GABBR1: variants seen among roughly 807,000 people sequenced by gnomAD.
The protein encoded by GABBR1 is gamma-aminobutyric acid type B receptor subunit 1.
A neutral mutation model predicts 117.7 loss-of-function variants in GABBR1; 35 were observed. The observed-to-expected ratio is 0.30, with a 90% CI of 0.23 to 0.39. The LOEUF (loss-of-function observed/expected upper bound fraction) is 0.39. Among genes scored for constraint, GABBR1 ranks in the 10% least tolerant of loss-of-function variants. The pLI is 1.00. For synonymous variants in GABBR1, 442 were observed against 486.6 expected, an observed-to-expected ratio of 0.91 and a Z score of 1.21; for missense variants, 709 against 1,241.8, an observed-to-expected ratio of 0.57 and a Z score of 6.45.
In GABBR1 at chr6:29,623,580, T is replaced by TA; in HGVS notation, c.793-106dup. 8.5e-7 allele frequency: 1 copy of TA among 1,181,750 alleles called. No individual in the cohort carries two copies. Among genetic ancestry groups the TA allele is most frequent in the Non-Finnish European group, 1.2e-6 (1 of 838,484 alleles). The allele number at this position is 1,181,750 out of a possible 1,614,324, so 73.2% of individuals were successfully genotyped here. A position where few individuals can be genotyped will look rare whatever the true frequency, so the allele number is the denominator to read the frequency against. On this transcript the variant is annotated intron_variant, in intron 7 of 22. Coordinates refer to ENST00000377034, the MANE Select transcript of GABBR1 (RefSeq NM_001470.4). This position sits in a 1 kb window ranked among gnomAD's most constrained non-coding sequence, Gnocchi z 6.2. ...TTCCTGCCTTTGGGTTTCTCTTCCT[T>TA]ACTCTCTCCAAACCTCCCCACCTCT...
At position 29,607,932 on chromosome 6, in the gene GABBR1, T is replaced by C. The variant is rs1306740029; in HGVS notation, c.1992+669A>G. Among the ~76,000 whole-genome samples the C allele has an allele frequency of 6.6e-6, 1 of 152,220 alleles. No individual in the cohort carries two copies. The highest frequency in any genetic ancestry group is 1.5e-5 in the Non-Finnish European group (1 of 68,036). ...CTCACTGGGAACAGAGGATTCCTGATGAACTGCATGTGCATGTGCATGGAA... is the reference window on the plus strand; with the variant it reads ...CTCACTGGGAACAGAGGATTCCTGACGAACTGCATGTGCATGTGCATGGAA... On this transcript the variant is annotated intron_variant, in intron 16 of 22. Transcript: ENST00000377034. The surrounding 1 kb of genome is among the most constrained non-coding windows in gnomAD (Gnocchi z 5.0).
chr6:29,623,329 C>T lies in GABBR1; in HGVS notation c.939G>A (p.Gln313=), dbSNP rs745528284. Residue 313 remains glutamine (Q), a synonymous_variant, in exon 8 of 23, where the codon CAG becomes CAA. Coordinates refer to ENST00000377034, the MANE Select transcript of GABBR1 (RefSeq NM_001470.4). The surrounding 1 kb of genome is among the most constrained non-coding windows in gnomAD (Gnocchi z 6.2). ...CCGAAGTGAAGACCTCAGTGGTCTG[C>T]TGGATGGTAGCAATCTTCTTCCAGC... ...KWGWKKIATI[Q]QTTEVFTSTL... 1 of 1,614,008 alleles carries T rather than the reference C, an allele frequency of 6.2e-7. No individual in the cohort carries two copies. The highest frequency in any genetic ancestry group is 8.5e-7 in the Non-Finnish European group (1 of 1,179,998).
chr6:29,605,848 G>A lies in GABBR1; in HGVS notation c.2312-152C>T. On this transcript the variant is annotated intron_variant, in intron 19 of 22. Transcript: ENST00000377034. The surrounding 1 kb of genome is among the most constrained non-coding windows in gnomAD (Gnocchi z 4.2). Reference sequence around the variant, plus strand: ...TCTGACCTAGCAAACCTCACCCTGTGTCCCCTATCCCTTATGTCCACCCAA... The same window carrying A: ...TCTGACCTAGCAAACCTCACCCTGTATCCCCTATCCCTTATGTCCACCCAA... 1 of 859,462 alleles carries A rather than the reference G, an allele frequency of 1.2e-6. No individual in the cohort carries two copies. Among genetic ancestry groups the A allele is most frequent in the East Asian group, 2.7e-5 (1 of 37,670 alleles). 53.2% of individuals were successfully genotyped at this position (859,462 alleles called of 1,614,324 possible).
rs758135303 is a variant in GABBR1 at position 29,613,308 on chromosome 6, T to G, written c.1501A>C (p.Asn501His). 4 of 1,612,932 alleles carry G rather than the reference T, an allele frequency of 2.5e-6. No individual in the cohort carries two copies. Among genetic ancestry groups the G allele is most frequent in the Non-Finnish European group, 3.4e-6 (4 of 1,180,020 alleles). The stretch of plus-strand genomic sequence containing the variant: ...ATTTGGTCGGTAATGGTCTGGTTGT[T>G]GTAGTTGAAGTCCTCCAGGCGCACA... ...SGVRLEDFNY[N>H]NQTITDQIYR... Residue 501 changes from asparagine (N) to histidine (H), a missense_variant, in exon 12 of 23, where the codon AAC (asparagine) becomes CAC (histidine). By Grantham distance (68) the Asn-to-His change is moderately conservative. Coordinates refer to ENST00000377034, the MANE Select transcript of GABBR1 (RefSeq NM_001470.4). The surrounding 1 kb of genome is among the most constrained non-coding windows in gnomAD (Gnocchi z 4.1).
At position 29,630,406 on chromosome 6, in the gene GABBR1, A is replaced by C; in HGVS notation, c.475+52T>G. 1 of 1,502,836 alleles carries C rather than the reference A, an allele frequency of 6.7e-7. No homozygotes were observed. 93.1% of individuals were successfully genotyped at this position (1,502,836 alleles called of 1,614,324 possible). A position where few individuals can be genotyped will look rare whatever the true frequency, so the allele number is the denominator to read the frequency against. ...CATTATCCATTCCCACCCCACTCCC[A>C]TCCTCACACAAGCGTCCTCATCAGC... On this transcript the variant is annotated intron_variant, in intron 4 of 22. Coordinates refer to ENST00000377034, the MANE Select transcript of GABBR1 (RefSeq NM_001470.4). The surrounding 1 kb of genome is among the most constrained non-coding windows in gnomAD (Gnocchi z 4.9).
Position 29,621,742 on chromosome 6 carries a change from C to T in GABBR1, c.1131+10G>A. 6.2e-7 allele frequency: 1 copy of T among 1,613,000 alleles called. No individual in the cohort carries two copies. On this transcript the variant is annotated intron_variant, in intron 10 of 22. Transcript: ENST00000377034. This position sits in a 1 kb window ranked among gnomAD's most constrained non-coding sequence, Gnocchi z 5.0. ...ACCCAGTGCCCCTCCCTCTTCAGAT[C>T]CAACTCCACCTCACAAAAAACTTTC... is the stretch of plus-strand genomic sequence containing the variant.
rs773453964 is a variant in GABBR1, at chr6:29,605,728, C to G, written c.2312-32G>C. On this transcript the variant is annotated intron_variant, in intron 19 of 22. Coordinates refer to ENST00000377034, the MANE Select transcript of GABBR1 (RefSeq NM_001470.4). The surrounding 1 kb of genome is among the most constrained non-coding windows in gnomAD (Gnocchi z 4.2). ...TGGCAGGAGAGAGTCACTTGAGCAA[C>G]AAGGACCACAATGCTCCTCACTCAA... 1 of 1,605,610 alleles carries G rather than the reference C, an allele frequency of 6.2e-7. No homozygotes were observed. The highest frequency in any genetic ancestry group is 1.1e-5 in the South Asian group (1 of 90,740).
intron 13 of GABBR1, 52 bp downstream of exon 13, chr6:29,612,499 C>G (rs1189198727): frequency 6.5e-7 from 1 of 1,528,188 alleles, no homozygotes; most frequent in African/African-American, 1.4e-5. Context: ...GGCATCCCAG[C>G]CCAGCCCCAG....
rs1762265637 is a variant in GABBR1, at chr6:29,609,106, C to G, written c.1859+123G>C. 4 of 940,316 alleles carry G rather than the reference C, an allele frequency of 4.3e-6. No homozygotes were observed. Among genetic ancestry groups the G allele is most frequent in the African/African-American group, 1.7e-5 (1 of 60,252 alleles). 58.2% of individuals were successfully genotyped at this position (940,316 alleles called of 1,614,324 possible). A position where few individuals can be genotyped will look rare whatever the true frequency, so the allele number is the denominator to read the frequency against. On this transcript the variant is annotated intron_variant, in intron 15 of 22. Transcript: ENST00000377034. The surrounding 1 kb of genome is among the most constrained non-coding windows in gnomAD (Gnocchi z 4.3). Reference sequence around the variant, plus strand: ...TTCCCTGTTTTCATTCTCAACAAGTCAGAATGAAAAACTCCATGATACATG... The same window carrying G: ...TTCCCTGTTTTCATTCTCAACAAGTGAGAATGAAAAACTCCATGATACATG...
chr6:29,632,651 G>A lies in GABBR1; in HGVS notation c.-1+199C>T. On this transcript the variant is annotated intron_variant, in intron 1 of 22. Transcript: ENST00000377034. The surrounding 1 kb of genome is among the most constrained non-coding windows in gnomAD (Gnocchi z 5.8). ...CACCTCTCACCACCTCCTCTCCCCC[G>A]GCCCCCGCGGCTCGCAGAAGCCTGG... is the stretch of plus-strand genomic sequence containing the variant. The A allele has an allele frequency of 2.4e-6, 3 of 1,262,280 alleles. No homozygotes were observed. The highest frequency in any genetic ancestry group is 1.9e-5 in the South Asian group (1 of 52,670). The allele number at this position is 1,262,280 out of a possible 1,614,324, so 78.2% of individuals were successfully genotyped here. A position where few individuals can be genotyped will look rare whatever the true frequency, so the allele number is the denominator to read the frequency against.
rs1272456915 is a variant in GABBR1, at chr6:29,617,859, G to C, written c.1323+3242C>G. ...TGATAACGATGATGGTGGCTAACAT[G>C]TATACAGTCCTTAGGACGTATCGAG... is the stretch of plus-strand genomic sequence containing the variant. On this transcript the variant is annotated intron_variant, in intron 11 of 22. Coordinates refer to ENST00000377034, the MANE Select transcript of GABBR1 (RefSeq NM_001470.4). Among the ~76,000 whole-genome samples, 5 of 152,180 alleles carry C rather than the reference G, an allele frequency of 3.3e-5. No individual in the cohort carries two copies. The East Asian group carries it at 9.6e-4, about 29-fold the overall frequency.
chr6:29,605,665 C>T lies in GABBR1; in HGVS notation c.2343G>A (p.Leu781=). 6.2e-7 allele frequency: 1 copy of T among 1,613,138 alleles called. No homozygotes were observed. Among genetic ancestry groups the T allele is most frequent in the South Asian group, 1.1e-5 (1 of 91,080 alleles). The change falls in exon 20 of 23, where the codon CTG becomes CTA. Residue 781 remains leucine (L), a synonymous_variant. Coordinates refer to ENST00000377034, the MANE Select transcript of GABBR1 (RefSeq NM_001470.4). The surrounding 1 kb of genome is among the most constrained non-coding windows in gnomAD (Gnocchi z 4.2). ...GIFYGYKGLL[L]LLGIFLAYET... ...CATAAGCAAGGAAGATTCCCAGCAG[C>T]AGCAGCAGCCCCTTGTAACCATAGA...
Position 29,612,547 on chromosome 6 carries a change from T to G in GABBR1, c.1630+4A>C. On this transcript the variant is annotated splice_donor_region_variant and intron_variant, in intron 13 of 22. Transcript: ENST00000377034. ...GTCCGGTCCCCTCCTGCCCCTGTAC[T>G]AACCCTGAAGCTGCTCGATAAGCGT... 1.2e-6 allele frequency: 2 copies of G among 1,613,662 alleles called. No homozygotes were observed. Among genetic ancestry groups the G allele is most frequent in the Non-Finnish European group, 1.7e-6 (2 of 1,179,762 alleles).
Position 29,623,398 on chromosome 6 carries a change from G to A in GABBR1, c.870C>T (p.Ala290=). The A allele has an allele frequency of 1.9e-6, 3 of 1,614,134 alleles. No homozygotes were observed. The highest frequency in any genetic ancestry group is 2.5e-6 in the Non-Finnish European group (3 of 1,180,024). Reference sequence around the variant, plus strand: ...TCACGCGGGTAGGGTTGTGGAGTGTGGCTGATGGGTGCGTTCGGAAGAAAG... The same window carrying A: ...TCACGCGGGTAGGGTTGTGGAGTGTAGCTGATGGGTGCGTTCGGAAGAAAG... ...FPTFFRTHPS[A]TLHNPTRVKL... The change falls in exon 8 of 23, where the codon GCC becomes GCT. Residue 290 remains alanine, a synonymous_variant. Coordinates refer to ENST00000377034, the MANE Select transcript of GABBR1 (RefSeq NM_001470.4). The surrounding 1 kb of genome is among the most constrained non-coding windows in gnomAD (Gnocchi z 6.2).
rs966881790 is a variant in GABBR1 at position 29,603,457 on chromosome 6, G to A, written c.*86C>T. 8.4e-7 allele frequency: 1 copy of A among 1,187,006 alleles called. No individual in the cohort carries two copies. The highest frequency in any genetic ancestry group is 1.2e-6 in the Non-Finnish European group (1 of 814,978). The allele number at this position is 1,187,006 out of a possible 1,614,324, so 73.5% of individuals were successfully genotyped here. A position where few individuals can be genotyped will look rare whatever the true frequency, so the allele number is the denominator to read the frequency against. ...GGATAGCATGTTCTTCCCAGCTGGG[G>A]ATGGGGACCCCCTGCTTCCTGAGTC... On this transcript the variant is annotated 3_prime_UTR_variant, in exon 23 of 23. Coordinates refer to ENST00000377034, the MANE Select transcript of GABBR1 (RefSeq NM_001470.4).
rs201726749 is a variant in GABBR1 at position 29,609,211 on chromosome 6, G to A, written c.1859+18C>T. 2.4e-4 allele frequency: 392 copies of A among 1,611,622 alleles called. 2 individuals are homozygous for A. Among genetic ancestry groups the A allele is most frequent in the Middle Eastern group, 4.9e-4 (3 of 6,082 alleles). On this transcript the variant is annotated intron_variant, in intron 15 of 22. Transcript: ENST00000377034. The surrounding 1 kb of genome is among the most constrained non-coding windows in gnomAD (Gnocchi z 4.3). ...TCTCAGAGAGGCAGACAAGGAAAAC[G>A]TCAGAAGAGAAACTTACCGGACATG...
rs547359819 is a variant in GABBR1 at position 29,622,924 on chromosome 6, ACACCCACCCAC to A, written c.963+370_963+380del. On this transcript the variant is annotated intron_variant, in intron 8 of 22. Transcript: ENST00000377034. This position sits in a 1 kb window ranked among gnomAD's most constrained non-coding sequence, Gnocchi z 4.6. ...GGCTCCATCCCCTCTGTTCCCATTC[ACACCCACCCAC>A]CACCCCCCTTGAAAGCCTCTGGAAT... Among the ~76,000 whole-genome samples the A allele has an allele frequency of 1.0e-4, 15 of 149,520 alleles. No individual in the cohort carries two copies. The highest frequency in any genetic ancestry group is 3.7e-4 in the African/African-American group (15 of 40,432).
Position 29,606,161 on chromosome 6 carries a change from T to G in GABBR1, c.2311+230A>C. ...ACTTGTTCCTCTGCTGAACACAAGTTCTTCATCTGTGCTTTCTGTGCTTTG... is the reference window on the plus strand; with the variant it reads ...ACTTGTTCCTCTGCTGAACACAAGTGCTTCATCTGTGCTTTCTGTGCTTTG... On this transcript the variant is annotated intron_variant, in intron 19 of 22. Transcript: ENST00000377034. The surrounding 1 kb of genome is among the most constrained non-coding windows in gnomAD (Gnocchi z 4.5). The G allele has an allele frequency of 1.8e-6, 1 of 569,522 alleles. No individual in the cohort carries two copies. The highest frequency in any genetic ancestry group is 3.1e-6 in the Non-Finnish European group (1 of 320,484). 35.3% of individuals were successfully genotyped at this position (569,522 alleles called of 1,614,324 possible).
chr6:29,625,114 G>T (rs981227487), intron 6 of GABBR1, among the ~76,000 whole-genome samples: 4 of 152,174 alleles, frequency 2.6e-5, no homozygotes, highest in Admixed American at 2.6e-4. Flanking sequence ...AGGGGAAGCT[G>T]TTGGAATCTG....
Sources: allele counts gnomAD v4.1 joint callset (sites outside exome capture counted in the v4.1 genomes callset), GRCh38; gene constraint gnomAD v4.1.1; non-coding constraint Gnocchi (gnomAD v3.1); transcripts MANE v1.5; gene names NCBI Gene and HGNC (gene_info 2026-07-23, HGNC 2026-07-21).